The following KIR2DL4 variants were observed in gnomAD, a reference collection of about 807,000 sequenced individuals.
The protein encoded by KIR2DL4 is killer cell immunoglobulin-like receptor 2DL4.
A neutral mutation model predicts 31.0 loss-of-function variants in KIR2DL4; 41 were observed. The ratio of observed to expected loss-of-function variants is 1.32; its 90% CI spans 1.03 to 1.72. The LOEUF (loss-of-function observed/expected upper bound fraction) is 1.72, where lower values mean the gene tolerates loss of function less well. KIR2DL4 is among the 40% of genes most tolerant of loss of function. KIR2DL4 has a pLI of 0.00. For synonymous variants in KIR2DL4, 164 were observed against 133.6 expected (o/e 1.23, Z -1.57); for missense variants, 438 against 353.7 (o/e 1.24, Z -1.91).
At chr19:54,806,633 GA>G (rs1161178445) in intron 4 of KIR2DL4, among the ~76,000 whole-genome samples, 3 of 150,856 alleles carry the variant, frequency 2.0e-5, no homozygotes, top group Non-Finnish European at 4.4e-5. Flanking sequence ...CTTTTCCTTT[GA>G]AAAAATGCTG....
At chr19:54,808,529 T>C (rs1201239176) in intron 4 of KIR2DL4, among the ~76,000 whole-genome samples, 10 of 149,912 alleles carry the variant, frequency 6.7e-5, no homozygotes, top group Non-Finnish European at 1.5e-4. Flanking sequence ...ATTACATCCG[T>C]GTTCTTCATT....
intron 4 of KIR2DL4, among the ~76,000 whole-genome samples, chr19:54,807,970 T>C (rs1201016172): frequency 6.6e-6 from 1 of 151,324 alleles, no homozygotes; most frequent in Non-Finnish European, 1.5e-5. Context: ...ATATATGCAA[T>C]GTATATATGT....
At chr19:54,812,417 T>C (rs1448331226) in intron 5 of KIR2DL4, among the ~76,000 whole-genome samples, 8 of 151,484 alleles carry the variant, frequency 5.3e-5, no homozygotes, top group East Asian at 3.9e-4. Context: ...CACTGCATGA[T>C]GTTCTCCTCC....
intron 2 of KIR2DL4, 22 bp from the exon 3 acceptor site, chr19:54,804,771 G>A: frequency 6.2e-7 from 1 of 1,607,188 alleles, no homozygotes; most frequent in Non-Finnish European, 8.5e-7. Flanking sequence ...CCTCTCTGAG[G>A]CGGCATCTCC....
exon 8 of KIR2DL4, chr19:54,814,217 AAC>A (rs2061075316): frequency 8.3e-7 from 1 of 1,211,410 alleles, no homozygotes; most frequent in African/African-American, 1.5e-5. Flanking sequence ...CTGCAGAGAA[AAC>A]ACACTCCTTT....
At chr19:54,804,212 G>A (rs1001396045) in intron 2 of KIR2DL4, among the ~76,000 whole-genome samples, 4 of 150,902 alleles carry the variant, frequency 2.7e-5, no homozygotes, top group African/African-American at 9.8e-5. Context: ...GCTGAGTTGA[G>A]CTCTGTGTGG....
At chr19:54,813,597 C>A in intron 6 of KIR2DL4, 93 bp from the exon 6 acceptor site, 2 of 1,340,704 alleles carry the variant, frequency 1.5e-6, no homozygotes, top group Non-Finnish European at 2.1e-6. Flanking sequence ...ACCTCAGGCA[C>A]CTATGGCCTC....
At chr19:54,807,274 A>T (rs1313601079) in intron 4 of KIR2DL4, among the ~76,000 whole-genome samples, 1 of 150,796 alleles carries the variant, frequency 6.6e-6, no homozygotes, top group East Asian at 1.9e-4. Flanking sequence ...TCATCCACTG[A>T]TGGGCAGGTA....
Position 54,807,431 on chromosome 19 carries a change from T to G in KIR2DL4, c.655+1187T>G, listed in dbSNP as rs1425335657. The stretch of plus-strand genomic sequence containing the variant: ...CCTCTGGATGTTCTCTTTTTAGGTT[T>G]TGTTTTATGCTTTTTGTTTTTTTGA... On this transcript the variant is annotated intron_variant, in intron 4 of 7. Transcript: ENST00000359085. Among the ~76,000 whole-genome samples, 11 of 151,564 alleles carry G rather than the reference T, an allele frequency of 7.3e-5. No homozygotes were observed. The South Asian group carries it at 2.1e-3, about 29-fold the overall frequency.
chr19:54,813,355 T>G (rs1471592680), intron 6 of KIR2DL4: 5 of 1,465,268 alleles, frequency 3.4e-6, no homozygotes, highest in African/African-American at 1.5e-5. Context: ...GAGGCAGAGC[T>G]TTCTAGAGAG....
chr19:54,809,427 G>A (rs1238441577), intron 5 of KIR2DL4, among the ~76,000 whole-genome samples: 1 of 150,602 alleles, frequency 6.6e-6, no homozygotes, highest in African/African-American at 2.5e-5. Context: ...TTCCTATGTT[G>A]CCATAACAAA....
At chr19:54,808,182 G>C (rs1286236721) in intron 4 of KIR2DL4, among the ~76,000 whole-genome samples, 2 of 148,638 alleles carry the variant, frequency 1.3e-5, no homozygotes, top group Non-Finnish European at 3.0e-5. Flanking sequence ...CCTTTGCGGT[G>C]CAGAAGCTGC....
chr19:54,814,000 G>A (rs1051457), exon 8 of KIR2DL4: 311,210 of 1,611,516 alleles, frequency 0.19, 35,966 homozygotes, highest in East Asian at 0.46. Context: ...CCAGAGCGTT[G>A]TCTCCTGCCC....
chr19:54,811,777 T>C (rs1267860530), intron 5 of KIR2DL4, among the ~76,000 whole-genome samples: 1 of 151,304 alleles, frequency 6.6e-6, no homozygotes, highest in African/African-American at 2.4e-5. Flanking sequence ...GTGCCAGCAC[T>C]ATCTCCTGGT....
chr19:54,814,099 A>T, exon 8 of KIR2DL4: 5 of 1,611,430 alleles, frequency 3.1e-6, no homozygotes, highest in South Asian at 1.1e-5. Flanking sequence ...ATGTACCAGC[A>T]GCTGGAATCT....
chr19:54,812,980 C>T, intron 5 of KIR2DL4: 1 of 589,878 alleles, frequency 1.7e-6, no homozygotes, highest in Non-Finnish European at 2.9e-6. Flanking sequence ...ACGGAGAAAG[C>T]AGGAGAAAGC....
At chr19:54,805,148 C>T (rs2060435063) in intron 3 of KIR2DL4, 71 bp downstream of exon 3, 2 of 1,438,498 alleles carry the variant, frequency 1.4e-6, no homozygotes, top group Non-Finnish European at 9.3e-7. Context: ...TGGGGGTGTC[C>T]ACCAGAGTCC....
intron 2 of KIR2DL4, among the ~76,000 whole-genome samples, chr19:54,804,241 G>A (rs2060359140): frequency 6.6e-6 from 1 of 150,824 alleles, no homozygotes; most frequent in Non-Finnish European, 1.5e-5. Context: ...GGATACTGAG[G>A]TGCTCAAAGC....
chr19:54,805,708 G>A lies in KIR2DL4; in HGVS notation c.362-243G>A, dbSNP rs1028640642. 8.3e-4 allele frequency among the ~76,000 whole-genome samples: 126 copies of A among 151,132 alleles called. 3 individuals carry two copies. The highest frequency in any genetic ancestry group is 1.2e-3 in the Non-Finnish European group (83 of 67,918). On this transcript the variant is annotated intron_variant, in intron 3 of 7. Transcript: ENST00000359085. ...AAACCAACACAGGAACCCAGGTGAA[G>A]GACAAGTTAAAAAACCAAACAAGAA...
Sources: allele counts gnomAD v4.1 joint callset (sites outside exome capture counted in the v4.1 genomes callset), GRCh38; gene constraint gnomAD v4.1.1; transcripts MANE v1.5; gene names NCBI Gene and HGNC (gene_info 2026-07-23, HGNC 2026-07-21).